The following PRKCE variants were observed in gnomAD, a reference collection of about 807,000 sequenced individuals.
PRKCE encodes protein kinase C epsilon type.
PRKCE carries 16 observed loss-of-function variants against 85.4 expected under a neutral mutation model. The ratio of observed to expected loss-of-function variants is 0.19; its 90% CI spans 0.13 to 0.28. The LOEUF (loss-of-function observed/expected upper bound fraction) is 0.28. Ranked by LOEUF, PRKCE falls within the 10% of genes least tolerant of loss-of-function variation. The pLI is 1.00. For missense variants in PRKCE, 573 were observed against 975.2 expected, an observed-to-expected ratio of 0.59 and a Z score of 5.49; for synonymous variants, 388 against 371.5, an observed-to-expected ratio of 1.04 and a Z score of -0.51.
chr2:45,974,487 G>A (rs1440996278), intron 2 of PRKCE, among the ~76,000 whole-genome samples: 1 of 152,226 alleles, frequency 6.6e-6, no homozygotes, highest in Non-Finnish European at 1.5e-5. Context: ...GGTCATCTGA[G>A]CCTGTGTTGA....
Position 46,116,246 on chromosome 2 carries a change from A to G in PRKCE, c.1593-28847A>G, listed in dbSNP as rs140111362. Among the ~76,000 whole-genome samples the G allele has an allele frequency of 6.1e-3, 936 of 152,322 alleles. 13 individuals carry two copies. Among genetic ancestry groups the G allele is most frequent in the African/African-American group, 0.021 (884 of 41,562 alleles). On this transcript the variant is annotated intron_variant, in intron 11 of 14. Transcript: ENST00000306156. Reference sequence around the variant, plus strand: ...TCCAAGGGAAGCCAACTTCAGAGAGATGACCACACTCCTCTATGTTGGAGA... The same window carrying G: ...TCCAAGGGAAGCCAACTTCAGAGAGGTGACCACACTCCTCTATGTTGGAGA...
At chr2:45,756,975 G>A (rs1441625726) in intron 1 of PRKCE, among the ~76,000 whole-genome samples, 1 of 152,164 alleles carries the variant, frequency 6.6e-6, no homozygotes, top group African/African-American at 2.4e-5. Flanking sequence ...GTTCAGCTGG[G>A]CGTGGTGGCT....
At chr2:45,947,340 G>A (rs866257352) in intron 2 of PRKCE, among the ~76,000 whole-genome samples, 7 of 152,222 alleles carry the variant, frequency 4.6e-5, no homozygotes, top group South Asian at 2.1e-4. Context: ...CGTGAATGAG[G>A]GATGCCTGGT....
intron 10 of PRKCE, among the ~76,000 whole-genome samples, chr2:46,060,676 G>A (rs1010025622): frequency 2.0e-5 from 3 of 151,190 alleles, no homozygotes; most frequent in Admixed American, 6.6e-5. Flanking sequence ...GCACCTGTGC[G>A]TCCATCCCAC....
intron 1 of PRKCE, among the ~76,000 whole-genome samples, chr2:45,681,898 C>G (rs1490784268): frequency 6.6e-6 from 1 of 152,174 alleles, no homozygotes; most frequent in African/African-American, 2.4e-5. Flanking sequence ...TACATCCTGT[C>G]TTGGGTTATT....
At chr2:46,178,592 A>T (rs1330680356) in intron 14 of PRKCE, among the ~76,000 whole-genome samples, 1 of 152,248 alleles carries the variant, frequency 6.6e-6, no homozygotes, top group African/African-American at 2.4e-5. Context: ...GCTATGAAGA[A>T]TATATGTATC....
At chr2:46,020,007 G>A (rs1425287479) in intron 10 of PRKCE, among the ~76,000 whole-genome samples, 1 of 151,748 alleles carries the variant, frequency 6.6e-6, no homozygotes, top group Non-Finnish European at 1.5e-5. Context: ...GCACCACCAG[G>A]CCCAGCTAAT....
chr2:45,869,786 C>T (rs369261697), intron 2 of PRKCE, among the ~76,000 whole-genome samples: 2 of 146,062 alleles, frequency 1.4e-5, no homozygotes, highest in South Asian at 4.5e-4. Context: ...AGGCTCACTG[C>T]AACGTCCACC....
At position 45,980,669 on chromosome 2, in the gene PRKCE, A is replaced by G. The variant is rs138964902; in HGVS notation, c.693+288A>G. 4.7e-3 allele frequency among the ~76,000 whole-genome samples: 710 copies of G among 152,278 alleles called. 5 individuals are homozygous for G. Among genetic ancestry groups the G allele is most frequent in the African/African-American group, 0.016 (676 of 41,562 alleles). ...ATGAATTCTTTTATTGCATCATCTC[A>G]TCAGAACTAAAATGGCTAACCAATG... On this transcript the variant is annotated intron_variant, in intron 5 of 14. Transcript: ENST00000306156.
intron 1 of PRKCE, among the ~76,000 whole-genome samples, chr2:45,690,917 C>T (rs953659239): frequency 1.3e-5 from 2 of 152,226 alleles, no homozygotes; most frequent in African/African-American, 4.8e-5. Flanking sequence ...ACAGCACATA[C>T]CTTAGGGTGC....
intron 2 of PRKCE, among the ~76,000 whole-genome samples, chr2:45,915,728 G>A (rs1697719920): frequency 6.6e-6 from 1 of 152,152 alleles, no homozygotes; most frequent in East Asian, 1.9e-4. Flanking sequence ...TTTTGGTGCT[G>A]GTTGATTCAC....
intron 4 of PRKCE, among the ~76,000 whole-genome samples, chr2:45,979,877 G>A (rs1386929105): frequency 2.0e-5 from 3 of 152,206 alleles, no homozygotes; most frequent in East Asian, 1.9e-4. Context: ...CCTCTGCACC[G>A]CCTGCTGCAG....
intron 11 of PRKCE, among the ~76,000 whole-genome samples, chr2:46,124,316 C>T (rs1232999155): frequency 6.6e-6 from 1 of 152,162 alleles, no homozygotes; most frequent in Non-Finnish European, 1.5e-5. Context: ...CAGAGCGAGA[C>T]TGCATCTCAA....
intron 1 of PRKCE, among the ~76,000 whole-genome samples, chr2:45,737,433 G>C (rs1682169141): frequency 6.6e-6 from 1 of 152,174 alleles, no homozygotes; most frequent in African/African-American, 2.4e-5. Flanking sequence ...TCCACTACCT[G>C]TCCAGCCTTT....
intron 10 of PRKCE, among the ~76,000 whole-genome samples, chr2:46,018,887 T>G (rs1706399977): frequency 6.6e-6 from 1 of 152,226 alleles, no homozygotes; most frequent in Admixed American, 6.5e-5. Context: ...CATCGGGGGT[T>G]GCAGGTGGCT....
intron 10 of PRKCE, among the ~76,000 whole-genome samples, chr2:46,063,964 C>A (rs2103648247): frequency 6.6e-6 from 1 of 152,230 alleles, no homozygotes; most frequent in South Asian, 2.1e-4. Context: ...CTTTCATTTG[C>A]TAACAGTATT....
chr2:45,732,656 A>T lies in PRKCE; in HGVS notation c.348+80208A>T, dbSNP rs570816040. ...CCGGATCCTCCAAATCCAGCTACAC[A>T]TAGCTTTCTATGTGCATCTGTAGTG... is the stretch of plus-strand genomic sequence containing the variant. On this transcript the variant is annotated intron_variant, in intron 1 of 14. Transcript: ENST00000306156. Among the ~76,000 whole-genome samples the T allele has an allele frequency of 2.1e-4, 32 of 152,282 alleles. No homozygotes were observed. In the South Asian group the frequency reaches 6.4e-3, roughly 31 times the overall value.
At chr2:46,032,750 C>T (rs1707616507) in intron 10 of PRKCE, among the ~76,000 whole-genome samples, 1 of 152,184 alleles carries the variant, frequency 6.6e-6, no homozygotes, top group Non-Finnish European at 1.5e-5. Flanking sequence ...GCATGTTAAT[C>T]CTCTCCATAA....
intron 11 of PRKCE, among the ~76,000 whole-genome samples, chr2:46,117,981 T>TG (rs1308238634): frequency 6.6e-6 from 1 of 151,746 alleles, no homozygotes; most frequent in Non-Finnish European, 1.5e-5. Flanking sequence ...CACTTCAAAA[T>TG]GGCATTTGTT....
Sources: allele counts gnomAD v4.1 joint callset (sites outside exome capture counted in the v4.1 genomes callset), GRCh38; gene constraint gnomAD v4.1.1; transcripts MANE v1.5; gene names NCBI Gene and HGNC (gene_info 2026-07-23, HGNC 2026-07-21).